Variants in ASCC3 observed in about 807,000 individuals in gnomAD.
ASCC3 encodes the protein activating signal cointegrator 1 complex subunit 3.
ASCC3 carries 158 observed loss-of-function variants against 256.3 expected under a neutral mutation model. That is an observed-to-expected ratio of 0.62 (90% CI 0.54 to 0.70). ASCC3 has a LOEUF of 0.70. Ranked by LOEUF, ASCC3 falls within the 30% of genes least tolerant of loss-of-function variation. The probability of loss-of-function intolerance (pLI) is 0.00; values close to 1 mark genes in which losing one functional copy is unlikely to be tolerated. For missense variants in ASCC3, 2,259 were observed against 2,626.0 expected, an observed-to-expected ratio of 0.86 and a Z score of 3.05; for synonymous variants, 948 against 883.4, an observed-to-expected ratio of 1.07 and a Z score of -1.30.
chr6:100,719,113 A>T (rs369605283), intron 11 of ASCC3, among the ~76,000 whole-genome samples: 2 of 152,108 alleles, frequency 1.3e-5, no homozygotes, highest in Non-Finnish European at 2.9e-5. Flanking sequence ...GCAGTGCTGA[A>T]TAAGACATAG....
chr6:100,784,289 T>C (rs541261726), intron 8 of ASCC3, among the ~76,000 whole-genome samples: 1 of 152,050 alleles, frequency 6.6e-6, no homozygotes, highest in African/African-American at 2.4e-5. Context: ...TTATTAAAAA[T>C]TTATTGCTCT....
chr6:100,639,345 A>G (rs1775000780), intron 24 of ASCC3, among the ~76,000 whole-genome samples: 1 of 152,194 alleles, frequency 6.6e-6, no homozygotes, highest in Non-Finnish European at 1.5e-5. Flanking sequence ...TGACTGAGTA[A>G]ACAAAACCTG....
intron 36 of ASCC3, among the ~76,000 whole-genome samples, chr6:100,569,641 C>A (rs899565691): frequency 1.3e-5 from 2 of 152,138 alleles, no homozygotes; most frequent in African/African-American, 2.4e-5. Flanking sequence ...TCCTCAGCCT[C>A]CCAAAATGCT....
At chr6:100,739,086 A>G (rs576525327) in intron 10 of ASCC3, among the ~76,000 whole-genome samples, 1 of 152,306 alleles carries the variant, frequency 6.6e-6, no homozygotes, top group Non-Finnish European at 1.5e-5. Context: ...TTTGTCATAT[A>G]TGGTTCTTAT....
chr6:100,661,131 A>G (rs1306949806), intron 16 of ASCC3, among the ~76,000 whole-genome samples: 1 of 151,774 alleles, frequency 6.6e-6, no homozygotes, highest in East Asian at 1.9e-4. Context: ...AGTCAACTTT[A>G]AAGGTATGAA....
At chr6:100,643,203 T>C (rs776471323) in intron 23 of ASCC3, among the ~76,000 whole-genome samples, 1 of 152,144 alleles carries the variant, frequency 6.6e-6, no homozygotes, top group Non-Finnish European at 1.5e-5. Flanking sequence ...AACGCTGCTA[T>C]GAAATTCTAC....
At chr6:100,827,820 G>C (rs2114445585) in intron 4 of ASCC3, among the ~76,000 whole-genome samples, 1 of 151,760 alleles carries the variant, frequency 6.6e-6, no homozygotes, top group Non-Finnish European at 1.5e-5. Context: ...ATACAAACCA[G>C]ATTTTATCAT....
At chr6:100,550,616 C>T (rs1041673408) in intron 36 of ASCC3, among the ~76,000 whole-genome samples, 1 of 151,896 alleles carries the variant, frequency 6.6e-6, no homozygotes, top group African/African-American at 2.4e-5. Flanking sequence ...TGACTATACT[C>T]GACCATGCTT....
At chr6:100,849,311 C>T (rs1461938869) in intron 3 of ASCC3, among the ~76,000 whole-genome samples, 1 of 152,102 alleles carries the variant, frequency 6.6e-6, no homozygotes, top group Non-Finnish European at 1.5e-5. Context: ...CTAGCTAAAA[C>T]TCACTTTAAA....
chr6:100,806,851 T>A (rs1770209634), intron 4 of ASCC3, among the ~76,000 whole-genome samples: 1 of 151,922 alleles, frequency 6.6e-6, no homozygotes, highest in Admixed American at 6.6e-5. Flanking sequence ...GGCCAGTACT[T>A]TTTATTGAAC....
intron 13 of ASCC3, among the ~76,000 whole-genome samples, chr6:100,702,939 G>A (rs1247486092): frequency 1.3e-5 from 2 of 152,150 alleles, no homozygotes; most frequent in African/African-American, 4.8e-5. Context: ...GTGAACAGCA[G>A]AATGCCTAGG....
chr6:100,555,495 G>C (rs1274740834), intron 36 of ASCC3, among the ~76,000 whole-genome samples: 1 of 152,102 alleles, frequency 6.6e-6, no homozygotes, highest in East Asian at 1.9e-4. Flanking sequence ...AGGACCACCT[G>C]GTTGACAGCT....
At chr6:100,561,248 TATA>T (rs1769934040) in intron 36 of ASCC3, among the ~76,000 whole-genome samples, 3 of 152,162 alleles carry the variant, frequency 2.0e-5, no homozygotes, top group African/African-American at 7.2e-5. Flanking sequence ...TGCTGATGTT[TATA>T]ATGATAGCCT....
Position 100,509,534 on chromosome 6 carries a change from C to T in ASCC3, c.6462-1G>A. ...CATGAAATATAATGTGTAGATATAC[C>T]TAAAATATAAAAATAGAAGAAAAAT... On this transcript the variant is annotated splice_acceptor_variant, in intron 41 of 41. Transcript: ENST00000369162. LOFTEE classifies it high-confidence loss of function. 1 of 1,610,156 alleles carries T rather than the reference C, an allele frequency of 6.2e-7. No homozygotes were observed. Among genetic ancestry groups the T allele is most frequent in the South Asian group, 1.1e-5 (1 of 90,904 alleles).
In ASCC3 at chr6:100,556,561, A is replaced by G. The variant is rs532797460; in HGVS notation, c.5551-16174T>C. ...GAGAAAGGGGAAGAAGTAATTTATA[A>G]CAGTCTAATGGAAGGTGTAGGTAGA... is the stretch of plus-strand genomic sequence containing the variant. On this transcript the variant is annotated intron_variant, in intron 36 of 41. Transcript: ENST00000369162. 3.9e-5 allele frequency among the ~76,000 whole-genome samples: 6 copies of G among 152,342 alleles called. No individual in the cohort carries two copies. In the South Asian group the frequency reaches 1.2e-3, roughly 32 times the overall value.
chr6:100,613,236 T>C (rs1329147926), intron 30 of ASCC3, among the ~76,000 whole-genome samples: 1 of 152,026 alleles, frequency 6.6e-6, no homozygotes, highest in Non-Finnish European at 1.5e-5. Context: ...TAATTACTCA[T>C]AGTCTACCTC....
intron 10 of ASCC3, among the ~76,000 whole-genome samples, chr6:100,739,710 T>C (rs1253052696): frequency 3.3e-5 from 5 of 152,244 alleles, no homozygotes; most frequent in Non-Finnish European, 5.9e-5. Context: ...CTAGATTTTC[T>C]AGTTTATGCG....
chr6:100,589,227 G>A (rs1771861332), intron 36 of ASCC3, among the ~76,000 whole-genome samples: 1 of 152,110 alleles, frequency 6.6e-6, no homozygotes, highest in South Asian at 2.1e-4. Context: ...ACTTAATTGT[G>A]TGGATGCTTA....
chr6:100,805,649 GTAAA>G (rs1770142164), intron 5 of ASCC3, 107 bp downstream of exon 5: 1 of 1,277,128 alleles, frequency 7.8e-7, no homozygotes, highest in Non-Finnish European at 1.1e-6. Context: ...AGTAATATCA[GTAAA>G]TTATATAACA....
Sources: gnomAD v4.1 joint callset for allele counts (sites outside exome capture counted in the v4.1 genomes callset) on GRCh38, gnomAD v4.1.1 for gene constraint, MANE v1.5 for transcripts, NCBI Gene and HGNC (gene_info 2026-07-23, HGNC 2026-07-21) for gene names.